EPS15: variants seen among roughly 807,000 people sequenced by gnomAD.
The protein encoded by EPS15 is epidermal growth factor receptor pathway substrate 15.
EPS15 carries 72 observed loss-of-function variants against 113.8 expected under a neutral mutation model. The observed-to-expected ratio is 0.63, with a 90% CI of 0.52 to 0.77. The LOEUF (loss-of-function observed/expected upper bound fraction) is 0.77. EPS15 is among the 30% of genes least tolerant of loss of function. The pLI, the probability that EPS15 is intolerant of heterozygous loss-of-function variation, is 0.00. For synonymous variants in EPS15, 344 were observed against 363.4 expected (o/e 0.95, Z 0.61); for missense variants, 1,048 against 1,045.8 (o/e 1.00, Z -0.03).
In EPS15 at chr1:51,367,484, C is replaced by T. The variant is rs772254177; in HGVS notation, c.2120-1455G>A. 3.4e-4 allele frequency among the ~76,000 whole-genome samples: 52 copies of T among 152,028 alleles called. 1 individual carries two copies. Among genetic ancestry groups the T allele is most frequent in the Admixed American group, 2.0e-4 (3 of 15,258 alleles). On this transcript the variant is annotated intron_variant, in intron 21 of 24. Coordinates refer to ENST00000371733, the MANE Select transcript of EPS15 (RefSeq NM_001981.3). ...AGGAGAATCGCTTGAACCCAGGAGGCGGAGGTTGCAGTGAGCTGAGATCAT... is the reference window on the plus strand; with the variant it reads ...AGGAGAATCGCTTGAACCCAGGAGGTGGAGGTTGCAGTGAGCTGAGATCAT...
chr1:51,468,920 G>C (rs1305807676), intron 4 of EPS15, among the ~76,000 whole-genome samples: 1 of 152,122 alleles, frequency 6.6e-6, no homozygotes, highest in African/African-American at 2.4e-5. Context: ...TTGAGGTCAG[G>C]AGTATGAGAC....
chr1:51,481,213 T>C (rs562841204), intron 2 of EPS15, 60 bp downstream of exon 2: 36 of 859,110 alleles, frequency 4.2e-5, no homozygotes, highest in Middle Eastern at 4.4e-4. Flanking sequence ...AGGCATACAA[T>C]CAAGAGTTGA....
At chr1:51,448,023 C>T (rs79924227) in intron 9 of EPS15, 23 bp downstream of exon 9, 72,075 of 1,608,354 alleles carry the variant, frequency 0.045, 1,940 homozygotes, top group Non-Finnish European at 0.052. Context: ...GGGGATCAAC[C>T]GCACAGAGCC....
chr1:51,476,316 G>C (rs1477044127), intron 2 of EPS15, among the ~76,000 whole-genome samples: 1 of 152,136 alleles, frequency 6.6e-6, no homozygotes, highest in Non-Finnish European at 1.5e-5. Flanking sequence ...TCATGATATT[G>C]ATTCTTCCTA....
At position 51,395,652 on chromosome 1, in the gene EPS15, A is replaced by G. The variant is rs78703931; in HGVS notation, c.2053-1205T>C. Reference sequence around the variant, plus strand: ...AAAGGTGAGGATGTTACCAGATGCCAGCGATTCTGGCTTTTAACTGTCTTC... The same window carrying G: ...AAAGGTGAGGATGTTACCAGATGCCGGCGATTCTGGCTTTTAACTGTCTTC... On this transcript the variant is annotated intron_variant, in intron 20 of 24. Transcript: ENST00000371733. 6.0e-4 allele frequency among the ~76,000 whole-genome samples: 91 copies of G among 152,344 alleles called. No individual in the cohort carries two copies. In the East Asian group the frequency reaches 0.016, roughly 27 times the overall value.
intron 20 of EPS15, among the ~76,000 whole-genome samples, chr1:51,398,649 A>G (rs562402800): frequency 6.6e-6 from 1 of 152,366 alleles, no homozygotes; most frequent in East Asian, 1.9e-4. Flanking sequence ...ATGAAATAAC[A>G]TAAACGATTT....
intron 1 of EPS15, among the ~76,000 whole-genome samples, chr1:51,485,470 G>A (rs572881989): frequency 6.6e-5 from 10 of 152,252 alleles, no homozygotes; most frequent in Admixed American, 6.5e-4. Flanking sequence ...GCGCACACCT[G>A]TAGTCCCAGC....
intron 21 of EPS15, among the ~76,000 whole-genome samples, chr1:51,387,678 T>G (rs1381525950): frequency 1.3e-5 from 2 of 152,078 alleles, no homozygotes; most frequent in Admixed American, 6.6e-5. Context: ...TCTTAGTCTC[T>G]GATAAAACAG....
intron 1 of EPS15, among the ~76,000 whole-genome samples, chr1:51,487,504 A>G (rs1370419894): frequency 2.0e-5 from 3 of 152,190 alleles, no homozygotes; most frequent in Admixed American, 2.0e-4. Context: ...TCAAAAATGT[A>G]CCAGTTTGAA....
intron 1 of EPS15, among the ~76,000 whole-genome samples, chr1:51,517,197 TG>T (rs1335572027): frequency 1.3e-5 from 2 of 152,238 alleles, no homozygotes; most frequent in Non-Finnish European, 2.9e-5. Flanking sequence ...TGCCTCTTCA[TG>T]TTTTAAAATC....
At chr1:51,477,878 G>A (rs1285787067) in intron 2 of EPS15, among the ~76,000 whole-genome samples, 2 of 152,170 alleles carry the variant, frequency 1.3e-5, no homozygotes, top group African/African-American at 2.4e-5. Flanking sequence ...TTCCAACTAT[G>A]TGGTCAATTT....
At chr1:51,470,358 A>T (rs948037009) in intron 4 of EPS15, among the ~76,000 whole-genome samples, 1 of 152,102 alleles carries the variant, frequency 6.6e-6, no homozygotes, top group African/African-American at 2.4e-5. Context: ...TAACTTAAAA[A>T]TCTGGGCCAG....
intron 1 of EPS15, among the ~76,000 whole-genome samples, chr1:51,504,705 T>C (rs951728465): frequency 1.3e-5 from 2 of 151,946 alleles, no homozygotes; most frequent in African/African-American, 4.8e-5. Context: ...GAAAACACAA[T>C]GAGATACTAA....
chr1:51,422,586 T>C (rs984147601), intron 12 of EPS15, among the ~76,000 whole-genome samples: 2 of 152,250 alleles, frequency 1.3e-5, no homozygotes, highest in African/African-American at 4.8e-5. Context: ...TAAATTCTTA[T>C]ATGCTTTAAT....
chr1:51,429,042 C>T (rs974416390), intron 12 of EPS15, among the ~76,000 whole-genome samples: 8 of 152,078 alleles, frequency 5.3e-5, no homozygotes, highest in Non-Finnish European at 1.2e-4. Context: ...CAGGTATGCA[C>T]CACCACAGCC....
intron 13 of EPS15, among the ~76,000 whole-genome samples, chr1:51,418,159 G>A (rs1044639476): frequency 6.6e-6 from 1 of 152,132 alleles, no homozygotes; most frequent in Non-Finnish European, 1.5e-5. Flanking sequence ...CACCAAAATG[G>A]TTAACTGGAG....
chr1:51,462,587 C>T (rs911985787), intron 7 of EPS15, among the ~76,000 whole-genome samples: 10 of 152,012 alleles, frequency 6.6e-5, no homozygotes, highest in African/African-American at 2.2e-4. Context: ...AGATAATTTA[C>T]TTCATGTTTT....
chr1:51,374,350 C>G (rs964317799), intron 21 of EPS15, among the ~76,000 whole-genome samples: 2 of 152,178 alleles, frequency 1.3e-5, no homozygotes, highest in African/African-American at 2.4e-5. Flanking sequence ...GGTACGGTTG[C>G]TCATGCCTGT....
At chr1:51,458,693 C>T (rs1185117212) in intron 8 of EPS15, 6 of 318,312 alleles carry the variant, frequency 1.9e-5, no homozygotes, top group Non-Finnish European at 3.9e-5. Context: ...GCTGAGATCC[C>T]GCCACTGCAC....
Sources: allele counts gnomAD v4.1 joint callset (sites outside exome capture counted in the v4.1 genomes callset), GRCh38; gene constraint gnomAD v4.1.1; transcripts MANE v1.5; gene names NCBI Gene and HGNC (gene_info 2026-07-23, HGNC 2026-07-21).